The following ANTXR1 variants were observed in gnomAD, a reference collection of about 807,000 sequenced individuals.
The protein encoded by ANTXR1 is anthrax toxin receptor 1.
In ANTXR1, 19 loss-of-function variants were observed where a neutral mutation model predicts 78.1. That is an observed-to-expected ratio of 0.24 (90% CI 0.17 to 0.36). ANTXR1 has a LOEUF of 0.36. ANTXR1 is among the 10% of genes least tolerant of loss of function. ANTXR1 has a pLI of 1.00. For missense variants in ANTXR1, 518 were observed against 718.6 expected (o/e 0.72, Z 3.19); for synonymous variants, 273 against 260.5 (o/e 1.05, Z -0.46).
intron 14 of ANTXR1, 71 bp downstream of exon 14, chr2:69,170,360 C>T: frequency 6.4e-7 from 1 of 1,565,140 alleles, no homozygotes; most frequent in Non-Finnish European, 8.8e-7. Flanking sequence ...GGCTGGGCAG[C>T]TGGACACTTA....
chr2:69,078,159 C>A (rs1034204744), intron 8 of ANTXR1, among the ~76,000 whole-genome samples: 3 of 152,190 alleles, frequency 2.0e-5, no homozygotes, highest in Admixed American at 6.5e-5. Context: ...CTTCCAGGGC[C>A]TCTATTCTCC....
At chr2:69,167,116 C>A (rs543691207) in intron 13 of ANTXR1, among the ~76,000 whole-genome samples, 2 of 152,198 alleles carry the variant, frequency 1.3e-5, no homozygotes, top group Admixed American at 6.5e-5. Context: ...GTGGAAGGAA[C>A]AAGAAGGTGC....
chr2:69,097,237 A>G (rs184003516), intron 9 of ANTXR1, among the ~76,000 whole-genome samples: 14 of 152,360 alleles, frequency 9.2e-5, no homozygotes, highest in Admixed American at 3.9e-4. Context: ...GATGCCAGGA[A>G]GGAACTAATT....
At position 69,108,829 on chromosome 2, in the gene ANTXR1, G is replaced by A. The variant is rs373463448; in HGVS notation, c.802+5889G>A. On this transcript the variant is annotated intron_variant, in intron 10 of 17. Coordinates refer to ENST00000303714, the MANE Select transcript of ANTXR1 (RefSeq NM_032208.3). ...TTTCTATAGCTGCACAGTATTCCAC[G>A]GTGTATATATACATTTTCTTTATCC... Among the ~76,000 whole-genome samples, 14 of 152,270 alleles carry A rather than the reference G, an allele frequency of 9.2e-5. No individual in the cohort carries two copies. In the East Asian group the frequency reaches 1.9e-3, roughly 21 times the overall value.
chr2:69,173,545 G>A (rs918986774), intron 14 of ANTXR1, among the ~76,000 whole-genome samples: 2 of 152,180 alleles, frequency 1.3e-5, no homozygotes, highest in African/African-American at 4.8e-5. Context: ...TCAGAAGGAG[G>A]AATGGACCTG....
At chr2:69,178,961 C>T (rs1360846960) in intron 14 of ANTXR1, among the ~76,000 whole-genome samples, 5 of 152,174 alleles carry the variant, frequency 3.3e-5, no homozygotes, top group African/African-American at 1.2e-4. Context: ...CGTGGTGCTG[C>T]TGTGTTCAGC....
At chr2:69,223,934 T>C (rs1558657354) in intron 17 of ANTXR1, among the ~76,000 whole-genome samples, 1 of 152,256 alleles carries the variant, frequency 6.6e-6, no homozygotes, top group Non-Finnish European at 1.5e-5. Flanking sequence ...ACCTCCACCC[T>C]TCCCTTAGAG....
rs1675973105 is a variant in ANTXR1, at chr2:69,244,747, C to T, written c.1435-478C>T. Among the ~76,000 whole-genome samples the T allele has an allele frequency of 2.0e-5, 3 of 152,172 alleles. No individual in the cohort carries two copies. The South Asian group carries it at 6.2e-4, about 31-fold the overall frequency. On this transcript the variant is annotated intron_variant, in intron 17 of 17. Coordinates refer to ENST00000303714, the MANE Select transcript of ANTXR1 (RefSeq NM_032208.3). ...TTTTGTTTATGAAATATGAGGATCC[C>T]TTCCAGAAGGCAAAGTAGCAGCAGG...
chr2:69,191,771 C>T (rs1674551365), intron 16 of ANTXR1, among the ~76,000 whole-genome samples: 1 of 152,220 alleles, frequency 6.6e-6, no homozygotes, highest in African/African-American at 2.4e-5. Context: ...ACCAGAAGAT[C>T]TGCATGAGGA....
chr2:69,041,377 A>T (rs1211004422), intron 2 of ANTXR1, among the ~76,000 whole-genome samples: 1 of 152,174 alleles, frequency 6.6e-6, no homozygotes, highest in African/African-American at 2.4e-5. Context: ...TTAGGCCAAG[A>T]TGTCCTTTCT....
At chr2:69,146,160 T>G in intron 12 of ANTXR1, 4 of 985,446 alleles carry the variant, frequency 4.1e-6, no homozygotes, top group Non-Finnish European at 4.8e-6. Context: ...GCCTCCTTAA[T>G]AGCGGGCCTC....
At chr2:69,125,746 T>A (rs1036619698) in intron 12 of ANTXR1, among the ~76,000 whole-genome samples, 3 of 151,772 alleles carry the variant, frequency 2.0e-5, no homozygotes, top group African/African-American at 7.3e-5. Context: ...GAGGCTGAGA[T>A]GGGAGGATGG....
At chr2:69,101,267 A>T (rs5019698) in intron 9 of ANTXR1, among the ~76,000 whole-genome samples, 2,490 of 152,282 alleles carry the variant, frequency 0.016, 63 homozygotes, top group African/African-American at 0.055. Flanking sequence ...AAAAAATCAC[A>T]ACTTCAACTC....
At chr2:69,097,086 A>T (rs1257335702) in intron 9 of ANTXR1, among the ~76,000 whole-genome samples, 1 of 152,230 alleles carries the variant, frequency 6.6e-6, no homozygotes, top group African/African-American at 2.4e-5. Flanking sequence ...GCCTCTGTTT[A>T]ATTAAGAATA....
rs1017394844 is a variant in ANTXR1 at position 69,246,037 on chromosome 2, G to A, written c.*552G>A. 2.0e-5 allele frequency: 3 copies of A among 152,688 alleles called. No homozygotes were observed. The highest frequency in any genetic ancestry group is 2.9e-5 in the Non-Finnish European group (2 of 68,386). 9.5% of individuals were successfully genotyped at this position (152,688 alleles called of 1,614,324 possible). On this transcript the variant is annotated 3_prime_UTR_variant, in exon 18 of 18. Coordinates refer to ENST00000303714, the MANE Select transcript of ANTXR1 (RefSeq NM_032208.3). ...CTCAACATCAGACGGGTATGCAGAA[G>A]GATGTTCTTCTGGGATTTGCAGGTA...
At chr2:69,015,272 C>CAAAAAAA (rs10536364) in intron 1 of ANTXR1, among the ~76,000 whole-genome samples, 8 of 91,792 alleles carry the variant, frequency 8.7e-5, no homozygotes, top group African/African-American at 2.1e-4. Flanking sequence ...CTTATCTTAG[C>CAAAAAAA]AAAAAAAAAA....
rs186366586 is a variant in ANTXR1 at position 69,241,415 on chromosome 2, T to G, written c.1435-3810T>G. Among the ~76,000 whole-genome samples, 9 of 152,334 alleles carry G rather than the reference T, an allele frequency of 5.9e-5. No homozygotes were observed. In the East Asian group the frequency reaches 1.7e-3, roughly 29 times the overall value. ...AGAACTTATTGTAACCACACCCCTCTTACAAAGACTGTGGGTCTTACTGTA... is the reference window on the plus strand; with the variant it reads ...AGAACTTATTGTAACCACACCCCTCGTACAAAGACTGTGGGTCTTACTGTA... On this transcript the variant is annotated intron_variant, in intron 17 of 17. Coordinates refer to ENST00000303714, the MANE Select transcript of ANTXR1 (RefSeq NM_032208.3).
chr2:69,076,943 TG>T (rs1243177347), intron 7 of ANTXR1, among the ~76,000 whole-genome samples: 2 of 152,242 alleles, frequency 1.3e-5, no homozygotes, highest in East Asian at 3.9e-4. Context: ...CTTTCCTTAA[TG>T]GGCAGTTTGG....
intron 1 of ANTXR1, among the ~76,000 whole-genome samples, chr2:69,025,212 T>G (rs1225771495): frequency 6.6e-6 from 1 of 152,106 alleles, no homozygotes; most frequent in African/African-American, 2.4e-5. Flanking sequence ...CTTCTATTAC[T>G]AGTTGCGGGC....
Sources: allele counts gnomAD v4.1 joint callset (sites outside exome capture counted in the v4.1 genomes callset), GRCh38; gene constraint gnomAD v4.1.1; transcripts MANE v1.5; gene names NCBI Gene and HGNC (gene_info 2026-07-23, HGNC 2026-07-21).